Variants in SLC38A9 observed in about 807,000 individuals in gnomAD.
The protein encoded by SLC38A9 is neutral amino acid transporter 9.
A neutral mutation model predicts 62.3 loss-of-function variants in SLC38A9; 48 were observed. The ratio of observed to expected loss-of-function variants is 0.77; its 90% CI spans 0.61 to 0.98. The LOEUF (loss-of-function observed/expected upper bound fraction) is 0.98, where lower values mean the gene tolerates loss of function less well. SLC38A9 is among the 50% of genes least tolerant of loss of function. The pLI is 0.00. For synonymous variants in SLC38A9, 204 were observed against 227.7 expected, an observed-to-expected ratio of 0.90 and a Z score of 0.94; for missense variants, 541 against 679.8, an observed-to-expected ratio of 0.80 and a Z score of 2.27.
chr5:55,691,286 C>A (rs1754701680), intron 3 of SLC38A9: 1 of 1,490,954 alleles, frequency 6.7e-7, no homozygotes, highest in Non-Finnish European at 9.0e-7. Flanking sequence ...AAGCTGACAA[C>A]AGAGCCCTGG....
chr5:55,626,168 G>A lies in SLC38A9; in HGVS notation c.*326C>T, dbSNP rs941055512. 5.1e-4 allele frequency: 95 copies of A among 186,806 alleles called. No individual in the cohort carries two copies. Among genetic ancestry groups the A allele is most frequent in the African/African-American group, 2.1e-3 (88 of 42,606 alleles). The allele number at this position is 186,806 out of a possible 1,614,324, so 11.6% of individuals were successfully genotyped here. A position where few individuals can be genotyped will look rare whatever the true frequency, so the allele number is the denominator to read the frequency against. Reference sequence around the variant, plus strand: ...GACACCCTGAGAATCTTTACTGCAGGCAAAATAAATCCACCACCTTTTATC... The same window carrying A: ...GACACCCTGAGAATCTTTACTGCAGACAAAATAAATCCACCACCTTTTATC... On this transcript the variant is annotated 3_prime_UTR_variant, in exon 16 of 16. Coordinates refer to ENST00000396865, the MANE Select transcript of SLC38A9 (RefSeq NM_173514.4).
rs1209104930 is a variant in SLC38A9 at position 55,626,079 on chromosome 5, A to G, written c.*415T>C. ...AAACTGCAGAAATGGTCTAGTAAGT[A>G]AGAAAATGAAAGTGAATACACTGAA... On this transcript the variant is annotated 3_prime_UTR_variant, in exon 16 of 16. Coordinates refer to ENST00000396865, the MANE Select transcript of SLC38A9 (RefSeq NM_173514.4). 1.9e-5 allele frequency: 3 copies of G among 156,896 alleles called. No homozygotes were observed. Among genetic ancestry groups the G allele is most frequent in the Admixed American group, 6.3e-5 (1 of 15,944 alleles). The allele number at this position is 156,896 out of a possible 1,614,324, so 9.7% of individuals were successfully genotyped here.
chr5:55,703,053 T>G (rs1234019759), intron 2 of SLC38A9, among the ~76,000 whole-genome samples: 1 of 152,206 alleles, frequency 6.6e-6, no homozygotes, highest in East Asian at 1.9e-4. Flanking sequence ...GATTATCTAT[T>G]TTAAGATGTG....
rs150969688 is a variant in SLC38A9 at position 55,627,576 on chromosome 5, T to C, written c.1520+315A>G. Among the ~76,000 whole-genome samples the C allele has an allele frequency of 1.3e-3, 203 of 152,138 alleles. No individual in the cohort carries two copies. In the Middle Eastern group the frequency reaches 0.014, roughly 10 times the overall value. ...CCTCCCAGGTAATCCCAAAAAGTTA[T>C]ACATATATTAAAAATAACTTTTTAT... is the stretch of plus-strand genomic sequence containing the variant. On this transcript the variant is annotated intron_variant, in intron 15 of 15. Transcript: ENST00000396865.
intron 3 of SLC38A9, among the ~76,000 whole-genome samples, chr5:55,679,566 T>C (rs1252348837): frequency 6.6e-6 from 1 of 151,232 alleles, no homozygotes; most frequent in East Asian, 1.9e-4. Context: ...GTCTACAAAA[T>C]GATCAGTAAA....
chr5:55,691,200 T>G, intron 3 of SLC38A9: 1 of 897,048 alleles, frequency 1.1e-6, no homozygotes, highest in South Asian at 1.4e-5. Context: ...GGATTCTCCA[T>G]GTTAAAATGC....
At chr5:55,672,167 T>C (rs1418434192) in intron 4 of SLC38A9, among the ~76,000 whole-genome samples, 5 of 152,164 alleles carry the variant, frequency 3.3e-5, no homozygotes, top group East Asian at 3.9e-4. Context: ...CCCATTCTTG[T>C]AGAAAATTTC....
chr5:55,690,457 AG>A (rs1754567950), intron 3 of SLC38A9, among the ~76,000 whole-genome samples: 1 of 152,156 alleles, frequency 6.6e-6, no homozygotes, highest in South Asian at 2.1e-4. Context: ...AGGATGGAGA[AG>A]GGTATAAAAG....
In SLC38A9 at chr5:55,669,829, A is replaced by G; in HGVS notation, c.297T>C (p.Ser99=). 6.2e-7 allele frequency: 1 copy of G among 1,613,282 alleles called. No individual in the cohort carries two copies. ...GAAGTTTATAAGCAGAGCCCAATGG[A>G]CTATACACATAGCACTCTTCTGGAG... The part of the protein sequence containing the change: ...VPAPEECYVY[S]PLGSAYKLQS... The change falls in exon 5 of 16, where the codon AGT becomes AGC. Residue 99 remains serine, a synonymous_variant. Transcript: ENST00000396865.
intron 11 of SLC38A9, among the ~76,000 whole-genome samples, chr5:55,646,164 T>C (rs1409339427): frequency 1.3e-5 from 2 of 152,150 alleles, no homozygotes; most frequent in East Asian, 3.8e-4. Context: ...TCACCTGAGG[T>C]AAGGAGTTTG....
chr5:55,678,645 CTTTTTTTTTTTTTTTT>C (rs869297949), intron 3 of SLC38A9, among the ~76,000 whole-genome samples: 4 of 45,800 alleles, frequency 8.7e-5, no homozygotes, highest in Admixed American at 5.9e-4. Flanking sequence ...CTGAAATGAA[CTTTTTTTTTTTTTTTT>C]TTTTTTTTTT....
chr5:55,656,596 A>G, intron 9 of SLC38A9, 119 bp downstream of exon 9: 1 of 705,286 alleles, frequency 1.4e-6, no homozygotes, highest in Non-Finnish European at 2.5e-6. Context: ...GTAGCAGCTC[A>G]GTAAACATAA....
intron 12 of SLC38A9, among the ~76,000 whole-genome samples, chr5:55,639,467 A>G (rs1429826119): frequency 2.0e-5 from 3 of 152,118 alleles, no homozygotes; most frequent in Non-Finnish European, 4.4e-5. Flanking sequence ...TATAGTTTAT[A>G]CAGAAGAGGA....
chr5:55,685,911 G>C (rs1178767773), intron 3 of SLC38A9, among the ~76,000 whole-genome samples: 1 of 152,154 alleles, frequency 6.6e-6, no homozygotes, highest in African/African-American at 2.4e-5. Flanking sequence ...CTGTCAGTTT[G>C]CTAAGGATAA....
intron 3 of SLC38A9, among the ~76,000 whole-genome samples, chr5:55,694,702 T>TTCCCCTCCCC (rs370187087): frequency 6.9e-6 from 1 of 145,690 alleles, no homozygotes; most frequent in Non-Finnish European, 1.5e-5. Flanking sequence ...TTCCCTTCCC[T>TTCCCCTCCCC]TCCCCTCCCC....
At chr5:55,652,365 A>AAAAAG (rs1174475003) in intron 10 of SLC38A9, among the ~76,000 whole-genome samples, 164 bp downstream of exon 10, 1 of 150,030 alleles carries the variant, frequency 6.7e-6, no homozygotes, top group African/African-American at 2.4e-5. Context: ...CTCAAAAAAA[A>AAAAAG]AAAAAAAAAA....
At chr5:55,647,379 T>C (rs1746568412) in intron 11 of SLC38A9, among the ~76,000 whole-genome samples, 1 of 152,200 alleles carries the variant, frequency 6.6e-6, no homozygotes, top group Admixed American at 6.5e-5. Flanking sequence ...TTGAAAATAC[T>C]GCTGGTCTAG....
chr5:55,660,928 G>A (rs1749408733), intron 8 of SLC38A9, among the ~76,000 whole-genome samples: 1 of 139,668 alleles, frequency 7.2e-6, no homozygotes, highest in Non-Finnish European at 1.6e-5. Context: ...ACTAGGTAAG[G>A]AGAAATTATA....
chr5:55,647,262 C>T (rs901741887), intron 11 of SLC38A9, among the ~76,000 whole-genome samples: 4 of 151,808 alleles, frequency 2.6e-5, no homozygotes, highest in African/African-American at 9.7e-5. Context: ...CACAAAGCTG[C>T]TTTAAAGTGA....
Sources: gnomAD v4.1 joint callset for allele counts (sites outside exome capture counted in the v4.1 genomes callset) on GRCh38, gnomAD v4.1.1 for gene constraint, MANE v1.5 for transcripts, NCBI Gene and HGNC (gene_info 2026-07-23, HGNC 2026-07-21) for gene names.